The following NPIPB7 variants were observed in gnomAD, a reference collection of about 807,000 sequenced individuals.
NPIPB7 encodes the protein nuclear pore complex-interacting protein family member B7.
For synonymous variants in NPIPB7, 9 were observed against 88.1 expected, an observed-to-expected ratio of 0.10 and a Z score of 5.03; for missense variants, 14 against 238.5, an observed-to-expected ratio of 0.06 and a Z score of 6.20.
chr16:28,463,661 G>T (rs1373940626), intron 2 of NPIPB7, among the ~76,000 whole-genome samples: 2 of 108,742 alleles, frequency 1.8e-5, no homozygotes, highest in South Asian at 2.8e-4. Context: ...AGCAAGAAAA[G>T]GTTGTGGTGA....
chr16:28,469,198 C>T (rs1178612726), intron 1 of NPIPB7, among the ~76,000 whole-genome samples: 91 of 122,884 alleles, frequency 7.4e-4, no homozygotes, highest in African/African-American at 2.2e-3. Context: ...GTACCTATGG[C>T]ATGGCACGCA....
chr16:28,472,150 C>G (rs557201285), upstream of NPIPB7, among the ~76,000 whole-genome samples: 5 of 152,318 alleles, frequency 3.3e-5, no homozygotes, highest in East Asian at 9.6e-4. Flanking sequence ...CAGTGGCCCA[C>G]GCCTGTAATC....
intron 2 of NPIPB7, among the ~76,000 whole-genome samples, chr16:28,465,070 G>A (rs1375097228): frequency 7.2e-5 from 8 of 111,254 alleles, no homozygotes; most frequent in South Asian, 4.0e-4. Flanking sequence ...TGATGTCCCT[G>A]CTTAGGAGGT....
At chr16:28,470,734 G>GGTCT (rs1567250750), upstream of NPIPB7, among the ~76,000 whole-genome samples, 1 of 150,946 alleles carries the variant, frequency 6.6e-6, no homozygotes, top group African/African-American at 2.4e-5. Context: ...AGAAGAAAGG[G>GGTCT]GTCTGGGAAA....
intron 2 of NPIPB7, among the ~76,000 whole-genome samples, chr16:28,465,314 G>A (rs1376010517): frequency 4.9e-5 from 3 of 60,688 alleles, no homozygotes; most frequent in Non-Finnish European, 7.1e-5. Flanking sequence ...GTAAAACCCC[G>A]ACTCTACTAA....
chr16:28,465,422 T>C (rs2045900373), intron 2 of NPIPB7, among the ~76,000 whole-genome samples: 1 of 98,342 alleles, frequency 1.0e-5, no homozygotes, highest in Admixed American at 1.2e-4. Context: ...GAGGTGGAGG[T>C]TGCAGTGAGC....
At chr16:28,463,802 T>C (rs1345661146) in intron 2 of NPIPB7, among the ~76,000 whole-genome samples, 7 of 133,216 alleles carry the variant, frequency 5.3e-5, no homozygotes, top group Non-Finnish European at 8.1e-5. Context: ...TTTGGGAGGC[T>C]GAGGCGGGTG....
At chr16:28,470,736 T>C (rs1338309613), upstream of NPIPB7, among the ~76,000 whole-genome samples, 5 of 150,186 alleles carry the variant, frequency 3.3e-5, no homozygotes, top group South Asian at 2.2e-4. Context: ...AAGAAAGGGG[T>C]CTGGGAAAGG....
chr16:28,461,638 C>T (rs1362589793), intron 4 of NPIPB7, among the ~76,000 whole-genome samples: 2 of 149,802 alleles, frequency 1.3e-5, no homozygotes, highest in Non-Finnish European at 2.9e-5. Context: ...ACATGGTGAA[C>T]CCCTGTCTCT....
upstream of NPIPB7, among the ~76,000 whole-genome samples, chr16:28,472,193 A>T (rs1272961643): frequency 1.3e-5 from 2 of 152,182 alleles, no homozygotes; most frequent in African/African-American, 4.8e-5. Flanking sequence ...TGGGCAGATC[A>T]TTTGAGCTGA....
upstream of NPIPB7, among the ~76,000 whole-genome samples, chr16:28,472,246 C>G (rs1363126295): frequency 6.6e-6 from 1 of 151,890 alleles, no homozygotes; most frequent in Admixed American, 6.6e-5. Flanking sequence ...GACACCGTCT[C>G]TACCAAAAAA....
upstream of NPIPB7, among the ~76,000 whole-genome samples, chr16:28,472,017 G>A (rs555352657): frequency 2.6e-5 from 4 of 152,130 alleles, no homozygotes; most frequent in Admixed American, 2.0e-4. Flanking sequence ...GCAACAGAGC[G>A]AGACTCCGTC....
At chr16:28,470,610 GGGGAGGGGAAGGGGA>G (rs2045941981), upstream of NPIPB7, 2 of 64,394 alleles carry the variant, frequency 3.1e-5, no homozygotes, top group Non-Finnish European at 5.9e-5. Flanking sequence ...GGAAGGGGAA[GGGGAGGGGAAGGGGA>G]GGGGAGGGGG....
chr16:28,465,030 C>T (rs1004311097), intron 2 of NPIPB7, among the ~76,000 whole-genome samples: 5 of 105,188 alleles, frequency 4.8e-5, no homozygotes, highest in African/African-American at 1.5e-4. Context: ...CAAAGAAATG[C>T]CATCACGCAT....
At chr16:28,461,126 A>G in intron 4 of NPIPB7, among the ~76,000 whole-genome samples, 1 of 147,236 alleles carries the variant, frequency 6.8e-6, no homozygotes, top group Non-Finnish European at 1.5e-5. Flanking sequence ...AAAGAAGCAC[A>G]GCAGCTTTTG....
chr16:28,464,033 CA>C (rs1221794474), intron 2 of NPIPB7, among the ~76,000 whole-genome samples: 762 of 26,010 alleles, frequency 0.029, 1 homozygote, highest in Middle Eastern at 0.13. Flanking sequence ...GACTCCGTCT[CA>C]AAAAAAAAAA....
chr16:28,470,912 G>T (rs1319210624), upstream of NPIPB7, among the ~76,000 whole-genome samples: 6 of 111,440 alleles, frequency 5.4e-5, no homozygotes, highest in Admixed American at 5.6e-4. Flanking sequence ...TTCGGTCTGG[G>T]CCCTCCCTTA....
At chr16:28,463,629 G>C (rs1311352156) in intron 2 of NPIPB7, among the ~76,000 whole-genome samples, 1 of 141,826 alleles carries the variant, frequency 7.1e-6, no homozygotes, top group Non-Finnish European at 1.5e-5. Flanking sequence ...GGGAGGCTGA[G>C]GCAGGAGAAT....
At chr16:28,468,686 A>G (rs1025049363) in intron 1 of NPIPB7, among the ~76,000 whole-genome samples, 1 of 143,890 alleles carries the variant, frequency 6.9e-6, no homozygotes, top group Non-Finnish European at 1.5e-5. Flanking sequence ...ACGTGCCTAC[A>G]GTTCCAGCTA....
Sources: gnomAD v4.1 joint callset for allele counts (sites outside exome capture counted in the v4.1 genomes callset) on GRCh38, gnomAD v4.1.1 for gene constraint, MANE v1.5 for transcripts, NCBI Gene and HGNC (gene_info 2026-07-23, HGNC 2026-07-21) for gene names.